The following NFKB1 variants were observed in gnomAD, a reference collection of about 807,000 sequenced individuals.
The protein encoded by NFKB1 is nuclear factor kappa B subunit 1.
A neutral mutation model predicts 105.1 loss-of-function variants in NFKB1; 9 were observed. The observed-to-expected ratio is 0.09, with a 90% CI of 0.05 to 0.15. NFKB1 has a LOEUF of 0.15. NFKB1 is among the 10% of genes least tolerant of loss of function. NFKB1 has a pLI of 1.00. For synonymous variants in NFKB1, 440 were observed against 442.2 expected (o/e 1.00, Z 0.06); for missense variants, 830 against 1,203.7 (o/e 0.69, Z 4.59).
intron 7 of NFKB1, chr4:102,577,775 C>T: frequency 1.0e-6 from 1 of 980,226 alleles, no homozygotes; most frequent in Non-Finnish European, 1.2e-6. Flanking sequence ...TGCTGCGAGG[C>T]TGTGGTCCAG....
At chr4:102,551,373 C>T (rs1422665159) in intron 5 of NFKB1, among the ~76,000 whole-genome samples, 10 of 144,438 alleles carry the variant, frequency 6.9e-5, no homozygotes, top group African/African-American at 2.8e-4. Flanking sequence ...TGTGTGCGCG[C>T]GCGCATGTGT....
intron 7 of NFKB1, 114 bp from the exon 8 acceptor site, chr4:102,578,767 A>G (rs938919205): frequency 1.8e-6 from 2 of 1,098,846 alleles, no homozygotes; most frequent in Non-Finnish European, 2.6e-6. Flanking sequence ...GAGTTTCAAA[A>G]GAGGAAAAAT....
intron 5 of NFKB1, among the ~76,000 whole-genome samples, chr4:102,539,168 C>T (rs947716998): frequency 5.0e-5 from 7 of 138,660 alleles, no homozygotes; most frequent in Admixed American, 1.6e-4. Context: ...ACCTGGGAAG[C>T]GGAGGTTGCA....
chr4:102,515,410 C>A (rs958589282), intron 1 of NFKB1, among the ~76,000 whole-genome samples: 1 of 151,982 alleles, frequency 6.6e-6, no homozygotes, highest in Non-Finnish European at 1.5e-5. Context: ...GCGCCCGGCC[C>A]CATGTAATAT....
At position 102,593,463 on chromosome 4, in the gene NFKB1, C is replaced by A. The variant is rs1726334948; in HGVS notation, c.1105C>A (p.Pro369Thr). The change falls in exon 12 of 24, where the codon CCC (proline) becomes ACC (threonine). Residue 369 changes from proline (P) to threonine (T), a missense_variant. Physicochemically the swap from Pro to Thr is conservative, Grantham distance 38 (BLOSUM62 -1). Coordinates refer to ENST00000226574, the MANE Select transcript of NFKB1 (RefSeq NM_003998.4). ...EVQRKRQKLM[P>T]NFSDSFGGGS... Reference sequence around the variant, plus strand: ...GCAGAGGAAACGTCAGAAGCTCATGCCCAATTTTTCGGATAGTTTCGGCGG... The same window carrying A: ...GCAGAGGAAACGTCAGAAGCTCATGACCAATTTTTCGGATAGTTTCGGCGG... 1 of 1,613,372 alleles carries A rather than the reference C, an allele frequency of 6.2e-7. No individual in the cohort carries two copies. Among genetic ancestry groups the A allele is most frequent in the Non-Finnish European group, 8.5e-7 (1 of 1,179,606 alleles).
At chr4:102,527,637 A>G (rs1351241208) in intron 2 of NFKB1, among the ~76,000 whole-genome samples, 2 of 152,146 alleles carry the variant, frequency 1.3e-5, no homozygotes, top group African/African-American at 4.8e-5. Flanking sequence ...TTCTAATTTT[A>G]TTTTTAAAAT....
chr4:102,536,677 T>C (rs1741658618), intron 4 of NFKB1, among the ~76,000 whole-genome samples: 1 of 152,148 alleles, frequency 6.6e-6, no homozygotes, highest in South Asian at 2.1e-4. Context: ...GTTCCACAAT[T>C]TAATGAGTAA....
intron 5 of NFKB1, among the ~76,000 whole-genome samples, chr4:102,561,327 A>C (rs568664752): frequency 2.6e-5 from 4 of 151,210 alleles, no homozygotes; most frequent in South Asian, 4.2e-4. Context: ...ACCTCACAGA[A>C]AAGAATGAAT....
chr4:102,573,313 A>G (rs1334363216), intron 6 of NFKB1, among the ~76,000 whole-genome samples: 2 of 152,188 alleles, frequency 1.3e-5, no homozygotes, highest in Admixed American at 1.3e-4. Context: ...CGTCTCAAAA[A>G]AAAAGAATTA....
At chr4:102,506,357 T>G (rs1739416179) in intron 1 of NFKB1, among the ~76,000 whole-genome samples, 1 of 152,162 alleles carries the variant, frequency 6.6e-6, no homozygotes, top group African/African-American at 2.4e-5. Flanking sequence ...TAAAACAAAA[T>G]ATGTTATTTT....
At chr4:102,512,794 C>T (rs1397562930) in intron 1 of NFKB1, among the ~76,000 whole-genome samples, 1 of 152,194 alleles carries the variant, frequency 6.6e-6, no homozygotes, top group Non-Finnish European at 1.5e-5. Context: ...AACCCTTTGT[C>T]CCTCCAGGGT....
intron 6 of NFKB1, 90 bp downstream of exon 6, chr4:102,567,225 G>A: frequency 7.2e-7 from 1 of 1,393,974 alleles, no homozygotes; most frequent in South Asian, 1.3e-5. Context: ...TTTCATTAGG[G>A]ACCTTTCTGA....
In NFKB1 at chr4:102,617,261, T is replaced by A. The variant is rs1729024306; in HGVS notation, c.*667T>A. 6.5e-6 allele frequency: 1 copy of A among 152,718 alleles called. No homozygotes were observed. The highest frequency in any genetic ancestry group is 1.5e-5 in the Non-Finnish European group (1 of 68,042). 9.5% of individuals were successfully genotyped at this position (152,718 alleles called of 1,614,324 possible). A position where few individuals can be genotyped will look rare whatever the true frequency, so the allele number is the denominator to read the frequency against. ...TTGGATTTATAAATGCTATTTTTTA[T>A]TTTACTTTTATAATAAAAGGAAAAG... On this transcript the variant is annotated 3_prime_UTR_variant, in exon 24 of 24. Coordinates refer to ENST00000226574, the MANE Select transcript of NFKB1 (RefSeq NM_003998.4).
chr4:102,593,269 T>C (rs556989116), intron 11 of NFKB1, 156 bp from the exon 12 acceptor site: 6 of 734,188 alleles, frequency 8.2e-6, no homozygotes, highest in South Asian at 1.9e-5. Flanking sequence ...GGAATAAATA[T>C]AACGCTTCTT....
chr4:102,515,083 C>T (rs544169776), intron 1 of NFKB1, among the ~76,000 whole-genome samples: 38 of 148,024 alleles, frequency 2.6e-4, no homozygotes, highest in African/African-American at 8.4e-4. Context: ...CAGTCCAGTT[C>T]CATGTAATAT....
intron 7 of NFKB1, chr4:102,577,749 T>C: frequency 1.2e-6 from 1 of 868,076 alleles, no homozygotes; most frequent in Non-Finnish European, 1.4e-6. Flanking sequence ...CCTCACTGAC[T>C]CCCCCTCCTC....
intron 1 of NFKB1, among the ~76,000 whole-genome samples, chr4:102,508,545 A>T (rs1482286428): frequency 6.6e-6 from 1 of 152,188 alleles, no homozygotes; most frequent in Admixed American, 6.5e-5. Context: ...TAGTGTGTTC[A>T]TACTGCTAAT....
intron 3 of NFKB1, among the ~76,000 whole-genome samples, chr4:102,532,888 T>G (rs1020516118): frequency 1.3e-5 from 2 of 152,182 alleles, no homozygotes; most frequent in African/African-American, 4.8e-5. Context: ...TATTGTACTA[T>G]TGACATAAAA....
chr4:102,567,660 A>G (rs1363448909), intron 6 of NFKB1, among the ~76,000 whole-genome samples: 4 of 152,222 alleles, frequency 2.6e-5, no homozygotes, highest in African/African-American at 9.6e-5. Context: ...AAGGAATGCA[A>G]ATTTATTTTG....
Sources: gnomAD v4.1 joint callset for allele counts (sites outside exome capture counted in the v4.1 genomes callset) on GRCh38, gnomAD v4.1.1 for gene constraint, MANE v1.5 for transcripts, NCBI Gene and HGNC (gene_info 2026-07-23, HGNC 2026-07-21) for gene names.